Variants in ITSN2 observed in about 807,000 individuals in gnomAD.
ITSN2 encodes the protein intersectin-2.
A neutral mutation model predicts 243.7 loss-of-function variants in ITSN2; 156 were observed. The ratio of observed to expected loss-of-function variants is 0.64; its 90% CI spans 0.56 to 0.73. The LOEUF (loss-of-function observed/expected upper bound fraction) is 0.73. Among genes scored for constraint, ITSN2 ranks in the 30% least tolerant of loss-of-function variants. The pLI is 0.00. For synonymous variants in ITSN2, 703 were observed against 699.9 expected (o/e 1.00, Z -0.07); for missense variants, 1,801 against 1,996.1 (o/e 0.90, Z 1.86).
At chr2:24,345,329 A>C (rs1176899661) in intron 1 of ITSN2, among the ~76,000 whole-genome samples, 1 of 152,216 alleles carries the variant, frequency 6.6e-6, no homozygotes, top group African/African-American at 2.4e-5. Context: ...ACAATTATGA[A>C]GAGCAAAACA....
At chr2:24,275,948 G>A in intron 17 of ITSN2, 99 bp from the exon 18 acceptor site, 1 of 858,622 alleles carries the variant, frequency 1.2e-6, no homozygotes, top group Non-Finnish European at 1.7e-6. Context: ...AAATCCTATA[G>A]CAAGTTGAAC....
At chr2:24,284,032 T>C (rs1008476285) in intron 17 of ITSN2, among the ~76,000 whole-genome samples, 3 of 152,222 alleles carry the variant, frequency 2.0e-5, no homozygotes. Flanking sequence ...GTCTTCACTG[T>C]GGAATATATA....
intron 1 of ITSN2, among the ~76,000 whole-genome samples, chr2:24,337,335 T>TATATATATATATATATATATATAC (rs1558650606): frequency 1.5e-4 from 16 of 108,958 alleles, no homozygotes; most frequent in Admixed American, 5.9e-4. Context: ...TATATATATA[T>TATATATATATATATATATATATAC]ATATATATAT....
At chr2:24,350,485 GATAA>G (rs1252092629) in intron 1 of ITSN2, among the ~76,000 whole-genome samples, 1 of 152,060 alleles carries the variant, frequency 6.6e-6, no homozygotes, top group Non-Finnish European at 1.5e-5. Context: ...ATGAACCCAA[GATAA>G]ATAAAAACAT....
intron 1 of ITSN2, among the ~76,000 whole-genome samples, chr2:24,330,196 T>C (rs1685615853): frequency 6.6e-6 from 1 of 152,244 alleles, no homozygotes; most frequent in African/African-American, 2.4e-5. Context: ...CACAAGGCCT[T>C]AATCAGTTGG....
chr2:24,293,848 A>G, intron 14 of ITSN2, 73 bp from the exon 15 acceptor site: 2 of 484,204 alleles, frequency 4.1e-6, no homozygotes, highest in Non-Finnish European at 7.5e-6. Flanking sequence ...GAAAACTTTA[A>G]AACAGGATTT....
At chr2:24,338,142 T>C (rs891294678) in intron 1 of ITSN2, among the ~76,000 whole-genome samples, 1 of 152,184 alleles carries the variant, frequency 6.6e-6, no homozygotes, top group African/African-American at 2.4e-5. Context: ...CATTTACATC[T>C]ATCCTCTCAG....
At chr2:24,346,141 G>C (rs12614906) in intron 1 of ITSN2, among the ~76,000 whole-genome samples, 3 of 152,234 alleles carry the variant, frequency 2.0e-5, no homozygotes, top group East Asian at 1.9e-4. Context: ...AGAAGGCTAC[G>C]TAGAGTATAG....
intron 29 of ITSN2, among the ~76,000 whole-genome samples, chr2:24,238,483 C>G (rs1358610435): frequency 6.6e-6 from 1 of 152,198 alleles, no homozygotes; most frequent in Non-Finnish European, 1.5e-5. Flanking sequence ...AACTTTAACA[C>G]TGCTTAACTT....
intron 9 of ITSN2, 52 bp downstream of exon 9, chr2:24,303,743 TTTAA>T (rs1411662211): frequency 1.0e-5 from 11 of 1,086,448 alleles, no homozygotes; most frequent in African/African-American, 3.1e-5. Flanking sequence ...GGAGAGAGAG[TTTAA>T]TTAATTAATG....
rs148713248 is a variant in ITSN2, at chr2:24,207,527, G to A, written c.4678+710C>T. 2.6e-5 allele frequency among the ~76,000 whole-genome samples: 4 copies of A among 152,226 alleles called. No individual in the cohort carries two copies. In the East Asian group the frequency reaches 5.8e-4, roughly 22 times the overall value. On this transcript the variant is annotated intron_variant, in intron 37 of 39. Transcript: ENST00000355123. Reference sequence around the variant, plus strand: ...GTGTGGCTAGCCTGACCCTGAAGCTGGGGGTCGGTGGGGTCCCCGAGGGAG... The same window carrying A: ...GTGTGGCTAGCCTGACCCTGAAGCTAGGGGTCGGTGGGGTCCCCGAGGGAG...
chr2:24,314,747 G>A (rs537825224), intron 3 of ITSN2, among the ~76,000 whole-genome samples: 2 of 152,222 alleles, frequency 1.3e-5, no homozygotes, highest in African/African-American at 4.8e-5. Flanking sequence ...AACAATCAGT[G>A]CTTGGTGTAG....
chr2:24,338,184 A>G (rs1686666361), intron 1 of ITSN2, among the ~76,000 whole-genome samples: 1 of 152,220 alleles, frequency 6.6e-6, no homozygotes, highest in Admixed American at 6.5e-5. Context: ...CATCTGCATG[A>G]TAAAACTTTA....
chr2:24,354,060 T>C (rs939585572), intron 1 of ITSN2, among the ~76,000 whole-genome samples: 8 of 152,364 alleles, frequency 5.3e-5, no homozygotes, highest in Admixed American at 3.9e-4. Context: ...ATATTTATTA[T>C]GAAAATTAAA....
At chr2:24,333,185 T>C (rs768299993) in intron 1 of ITSN2, among the ~76,000 whole-genome samples, 7 of 152,220 alleles carry the variant, frequency 4.6e-5, no homozygotes, top group African/African-American at 7.2e-5. Flanking sequence ...GGGCTTTATC[T>C]GCCTCTTCCT....
intron 35 of ITSN2, among the ~76,000 whole-genome samples, 172 bp from the exon 36 acceptor site, chr2:24,209,393 T>C (rs1400562782): frequency 2.6e-5 from 4 of 152,192 alleles, no homozygotes; most frequent in African/African-American, 2.4e-5. Flanking sequence ...GTAAGAACAA[T>C]GAAGCCTCCA....
chr2:24,353,764 ATT>A (rs1688219256), intron 1 of ITSN2, among the ~76,000 whole-genome samples: 1 of 152,210 alleles, frequency 6.6e-6, no homozygotes, highest in Admixed American at 6.5e-5. Context: ...CAATAATTTC[ATT>A]TCTGGGAATC....
At chr2:24,229,957 C>T (rs964060878) in intron 29 of ITSN2, among the ~76,000 whole-genome samples, 1 of 152,164 alleles carries the variant, frequency 6.6e-6, no homozygotes, top group Non-Finnish European at 1.5e-5. Context: ...CCCTAAGATT[C>T]AGTCCTTGGA....
At chr2:24,298,536 T>C in intron 13 of ITSN2, 129 bp downstream of exon 13, 1 of 758,456 alleles carries the variant, frequency 1.3e-6, no homozygotes. Context: ...CCCCAGTTGA[T>C]CTGCCTGCCT....
Sources: gnomAD v4.1 joint callset for allele counts (sites outside exome capture counted in the v4.1 genomes callset) on GRCh38, gnomAD v4.1.1 for gene constraint, MANE v1.5 for transcripts, NCBI Gene and HGNC (gene_info 2026-07-23, HGNC 2026-07-21) for gene names.